Variants in NDUFS2 observed in about 807,000 individuals in gnomAD.
The protein encoded by NDUFS2 is NADH:ubiquinone oxidoreductase core subunit S2.
A neutral mutation model predicts 69.6 loss-of-function variants in NDUFS2; 38 were observed. The observed-to-expected ratio is 0.55, with a 90% CI of 0.42 to 0.72. The LOEUF (loss-of-function observed/expected upper bound fraction) is 0.72, where lower values mean the gene tolerates loss of function less well. NDUFS2 is among the 30% of genes least tolerant of loss of function. NDUFS2 has a pLI of 0.00. For missense variants in NDUFS2, 468 were observed against 595.0 expected (o/e 0.79, Z 2.22); for synonymous variants, 194 against 211.2 (o/e 0.92, Z 0.70).
intron 2 of NDUFS2, among the ~76,000 whole-genome samples, chr1:161,205,627 G>A (rs1259065512): frequency 2.0e-5 from 3 of 152,102 alleles, no homozygotes; most frequent in Admixed American, 1.3e-4. Flanking sequence ...GATTAGGTGG[G>A]CATGGTGGTG....
chr1:161,210,638 C>T lies in NDUFS2; in HGVS notation c.914C>T (p.Thr305Ile). The T allele has an allele frequency of 1.2e-6, 2 of 1,614,136 alleles. No individual in the cohort carries two copies. The highest frequency in any genetic ancestry group is 1.7e-6 in the Non-Finnish European group (2 of 1,180,028). Residue 305 changes from threonine to isoleucine, a missense_variant, in exon 9 of 14, where the codon ACC (threonine) becomes ATC (isoleucine). Physicochemically the swap from Thr to Ile is moderately conservative, Grantham distance 89 (BLOSUM62 -1). This residue lies in a region of NDUFS2 where 339 missense variants were observed against 433.8 expected (regional missense o/e 0.78). Coordinates refer to ENST00000676972, the MANE Select transcript of NDUFS2 (RefSeq NM_001377299.1). The part of the protein sequence containing the change: ...GSGIQWDLRK[T>I]QPYDVYDQVE... Reference sequence around the variant, plus strand: ...GGCATCCAGTGGGACCTGCGGAAGACCCAGCCCTATGATGTTTACGACCAG... The same window carrying T: ...GGCATCCAGTGGGACCTGCGGAAGATCCAGCCCTATGATGTTTACGACCAG...
At chr1:161,204,331 G>T (rs920781883) in intron 2 of NDUFS2, among the ~76,000 whole-genome samples, 2 of 152,040 alleles carry the variant, frequency 1.3e-5, no homozygotes, top group Non-Finnish European at 2.9e-5. Flanking sequence ...GTCATCTTTG[G>T]CTGTTTTATC....
At chr1:161,206,110 A>G (rs528547633) in intron 2 of NDUFS2, among the ~76,000 whole-genome samples, 4 of 152,138 alleles carry the variant, frequency 2.6e-5, no homozygotes, top group African/African-American at 4.8e-5. Flanking sequence ...TAATAAAGCT[A>G]TATAAGTGTT....
At position 161,202,406 on chromosome 1, in the gene NDUFS2, GT is replaced by G; in HGVS notation, c.22del (p.Cys8AlafsTer70). The G allele has an allele frequency of 6.2e-7, 1 of 1,612,732 alleles. No individual in the cohort carries two copies. The highest frequency in any genetic ancestry group is 1.1e-5 in the South Asian group (1 of 90,620). ...GTAAGATGGCGGCGCTGAGGGCTTT[GT>G]GCGGCTTCCGGGGCGTCGCGGCCCA... MAALRAL[C>X]GFRGVAAQVL... On this transcript the variant is annotated frameshift_variant, in exon 1 of 14. Transcript: ENST00000676972. LOFTEE classifies it high-confidence loss of function.
At chr1:161,208,094 C>G (rs985153918) in intron 3 of NDUFS2, among the ~76,000 whole-genome samples, 15 of 149,824 alleles carry the variant, frequency 1.0e-4, no homozygotes, top group Admixed American at 8.7e-4. Flanking sequence ...AAGCGAGTCT[C>G]GTTCCTCAGC....
chr1:161,198,009 G>T (rs201863223), upstream of NDUFS2: 4 of 1,565,482 alleles, frequency 2.6e-6, no homozygotes, highest in East Asian at 2.2e-5. The surrounding 1 kb of genome is among the most constrained non-coding windows in gnomAD (Gnocchi z 4.7). Flanking sequence ...GCTCTTCGGG[G>T]TCTGGGGCTG....
rs932640288 is a variant in NDUFS2 at position 161,214,188 on chromosome 1, C to T, written c.1387C>T (p.Arg463Trp). Residue 463 changes from arginine (R) to tryptophan (W), a missense_variant, in exon 14 of 14, where the codon CGG (arginine) becomes TGG (tryptophan). By Grantham distance (101) the Arg-to-Trp change is moderately radical (BLOSUM62 -3). Transcript: ENST00000676972. Reference sequence around the variant, plus strand: ...AGATATTGTATTTGGAGAAGTAGATCGGTGAGCAGGGGAGCAGCGTTTGAT... The same window carrying T: ...AGATATTGTATTTGGAGAAGTAGATTGGTGAGCAGGGGAGCAGCGTTTGAT... Reference protein sequence around the residue: ...TQDIVFGEVDR With the variant: ...TQDIVFGEVDW 5.6e-6 allele frequency: 9 copies of T among 1,613,344 alleles called. No individual in the cohort carries two copies. The highest frequency in any genetic ancestry group is 2.2e-5 in the South Asian group (2 of 91,046).
At chr1:161,208,038 G>A (rs577796808) in intron 3 of NDUFS2, among the ~76,000 whole-genome samples, 2 of 142,886 alleles carry the variant, frequency 1.4e-5, no homozygotes, top group Non-Finnish European at 3.0e-5. Context: ...AGGCTGGAGT[G>A]CAATAGTGTG....
chr1:161,203,606 C>T (rs1665284213), intron 2 of NDUFS2, 63 bp downstream of exon 2: 1 of 1,380,802 alleles, frequency 7.2e-7, no homozygotes, highest in Non-Finnish European at 1.0e-6. Flanking sequence ...ATTTCCTTTT[C>T]TTTTTTTGAG....
At chr1:161,211,324 A>G (rs1665758707) in intron 9 of NDUFS2, among the ~76,000 whole-genome samples, 1 of 152,214 alleles carries the variant, frequency 6.6e-6, no homozygotes, top group Non-Finnish European at 1.5e-5. Context: ...CTCCTGATCC[A>G]GTGTTCTTTC....
intron 9 of NDUFS2, among the ~76,000 whole-genome samples, 187 bp downstream of exon 9, chr1:161,210,897 G>A (rs750016678): frequency 2.0e-5 from 3 of 152,002 alleles, no homozygotes; most frequent in African/African-American, 2.4e-5. Context: ...TTTTTGAGAC[G>A]GAGTTTTGCT....
intron 3 of NDUFS2, among the ~76,000 whole-genome samples, chr1:161,208,629 A>G (rs376911822): frequency 4.6e-5 from 7 of 152,388 alleles, no homozygotes; most frequent in African/African-American, 1.7e-4. Context: ...TCCTGGAGCT[A>G]GCTCATACGG....
At chr1:161,200,752 G>A (rs1320503495), upstream of NDUFS2, among the ~76,000 whole-genome samples, 3 of 152,284 alleles carry the variant, frequency 2.0e-5, no homozygotes, top group East Asian at 5.8e-4. Flanking sequence ...GGGGCAAGAG[G>A]AGCTATCACC....
chr1:161,211,403 T>A lies in NDUFS2; in HGVS notation c.986+693T>A, dbSNP rs539929583. ...GTGGCTCATGTGTGTAATCCCAGCA[T>A]TTTGGGAGTCCAAGGTGGGTGGATC... is the stretch of plus-strand genomic sequence containing the variant. On this transcript the variant is annotated intron_variant, in intron 9 of 13. Coordinates refer to ENST00000676972, the MANE Select transcript of NDUFS2 (RefSeq NM_001377299.1). Among the ~76,000 whole-genome samples the A allele has an allele frequency of 1.6e-3, 244 of 152,272 alleles. 1 individual carries two copies. Among genetic ancestry groups the A allele is most frequent in the African/African-American group, 5.7e-3 (236 of 41,560 alleles).
At position 161,210,367 on chromosome 1, in the gene NDUFS2, G is replaced by A; in HGVS notation, c.844G>A (p.Glu282Lys). The A allele has an allele frequency of 6.2e-7, 1 of 1,614,032 alleles. No individual in the cohort carries two copies. Among genetic ancestry groups the A allele is most frequent in the Non-Finnish European group, 8.5e-7 (1 of 1,179,930 alleles). The change falls in exon 8 of 14, where the codon GAA becomes AAA. Residue 282 changes from glutamate to lysine, a missense_variant. Transcript: ENST00000676972. ...TIDIGVVTAE[E>K]ALNYGFSGVM... is the part of the protein sequence containing the mutation. ...TGACATTGGGGTTGTAACAGCAGAA[G>A]AAGCACTTAACTATGGTTTTAGGTG...
intron 9 of NDUFS2, among the ~76,000 whole-genome samples, chr1:161,211,014 A>C (rs746973146): frequency 6.6e-6 from 1 of 152,168 alleles, no homozygotes; most frequent in Middle Eastern, 3.2e-3. Context: ...AGCTGGGATT[A>C]CAGGCATGAG....
chr1:161,198,841 A>C, upstream of NDUFS2: 1 of 490,422 alleles, frequency 2.0e-6, no homozygotes, highest in Non-Finnish European at 3.6e-6. This position sits in a 1 kb window ranked among gnomAD's most constrained non-coding sequence, Gnocchi z 4.7. Flanking sequence ...GGCTTCTCCA[A>C]ACTCTCCTCC....
At chr1:161,204,587 A>G (rs192659289) in intron 2 of NDUFS2, among the ~76,000 whole-genome samples, 182 of 152,314 alleles carry the variant, frequency 1.2e-3, no homozygotes, top group African/African-American at 4.3e-3. Context: ...TTACCATGTT[A>G]TTCATACTCT....
chr1:161,213,235 C>G (rs1665870079), intron 10 of NDUFS2, 145 bp from the exon 11 acceptor site: 2 of 680,560 alleles, frequency 2.9e-6, no homozygotes, highest in Non-Finnish European at 5.4e-6. Context: ...CATAGCTCTC[C>G]TGTTTTATTC....
Sources: allele counts gnomAD v4.1 joint callset (sites outside exome capture counted in the v4.1 genomes callset), GRCh38; gene constraint gnomAD v4.1.1; regional missense constraint gnomAD v4.1.1; non-coding constraint Gnocchi (gnomAD v3.1); transcripts MANE v1.5; gene names NCBI Gene and HGNC (gene_info 2026-07-23, HGNC 2026-07-21).